The following ZBTB20 variants were observed in gnomAD, a reference collection of about 807,000 sequenced individuals.
ZBTB20 encodes zinc finger and BTB domain containing 20.
In ZBTB20, 9 loss-of-function variants were observed where a neutral mutation model predicts 56.9. The observed-to-expected ratio is 0.16, with a 90% CI of 0.10 to 0.28. The LOEUF (loss-of-function observed/expected upper bound fraction) is 0.28. ZBTB20 is among the 10% of genes least tolerant of loss of function. ZBTB20 has a pLI of 1.00. For synonymous variants in ZBTB20, 417 were observed against 420.7 expected, an observed-to-expected ratio of 0.99 and a Z score of 0.11; for missense variants, 655 against 1,003.0, an observed-to-expected ratio of 0.65 and a Z score of 4.69.
In ZBTB20 at chr3:114,404,702, T is replaced by C. The variant is rs572531952; in HGVS notation, c.-254-15597A>G. ...AGGCCCAGAGCCTGCCGAGCTAGCTTTACATAAACAAAGGAGCTACACAGA... is the reference window on the plus strand; with the variant it reads ...AGGCCCAGAGCCTGCCGAGCTAGCTCTACATAAACAAAGGAGCTACACAGA... On this transcript the variant is annotated intron_variant, in intron 7 of 11. Coordinates refer to ENST00000675478, the MANE Select transcript of ZBTB20 (RefSeq NM_001348800.3). Among the ~76,000 whole-genome samples, 12 of 152,106 alleles carry C rather than the reference T, an allele frequency of 7.9e-5. No individual in the cohort carries two copies. In the South Asian group the frequency reaches 2.5e-3, roughly 32 times the overall value.
At chr3:114,381,936 G>A (rs1267517140) in intron 8 of ZBTB20, among the ~76,000 whole-genome samples, 2 of 152,174 alleles carry the variant, frequency 1.3e-5, no homozygotes, top group East Asian at 1.9e-4. Context: ...TTTTTGAATG[G>A]TGACTATGGG....
intron 4 of ZBTB20, among the ~76,000 whole-genome samples, chr3:114,890,736 A>G (rs2076777398): frequency 6.6e-6 from 1 of 152,134 alleles, no homozygotes; most frequent in Non-Finnish European, 1.5e-5. Flanking sequence ...GTACCCTAGA[A>G]CTTAAAGTAT....
At chr3:114,723,838 T>A (rs2065081521) in intron 5 of ZBTB20, among the ~76,000 whole-genome samples, 2 of 152,114 alleles carry the variant, frequency 1.3e-5, no homozygotes, top group South Asian at 4.1e-4. Context: ...AGCCTTTGCA[T>A]AGAAAAAGAT....
chr3:114,330,973 A>G lies in ZBTB20; in HGVS notation c.*8032T>C, dbSNP rs1010012248. On this transcript the variant is annotated 3_prime_UTR_variant, in exon 12 of 12. Transcript: ENST00000675478. The stretch of plus-strand genomic sequence containing the variant: ...CCAACAGTCTATTGGTTTGCTAGAC[A>G]TGGTAAACAACCCACTCCTGGAAAG... The G allele has an allele frequency of 3.3e-5, 5 of 152,262 alleles. No individual in the cohort carries two copies. Among genetic ancestry groups the G allele is most frequent in the African/African-American group, 1.2e-4 (5 of 41,460 alleles). 9.4% of individuals were successfully genotyped at this position (152,262 alleles called of 1,614,324 possible).
intron 3 of ZBTB20, among the ~76,000 whole-genome samples, chr3:114,934,104 T>G (rs2076450082): frequency 6.6e-6 from 1 of 152,198 alleles, no homozygotes; most frequent in Non-Finnish European, 1.5e-5. Context: ...TGCCCTTTTC[T>G]GTCTCTCTTA....
At chr3:114,487,166 G>A (rs2042236031) in intron 7 of ZBTB20, among the ~76,000 whole-genome samples, 1 of 152,182 alleles carries the variant, frequency 6.6e-6, no homozygotes, top group Non-Finnish European at 1.5e-5. Flanking sequence ...ACAGAAGCAT[G>A]TGGATAATAT....
chr3:115,082,793 C>T lies in ZBTB20; in HGVS notation c.-702-11379G>A, dbSNP rs376663166. On this transcript the variant is annotated intron_variant, in intron 1 of 11. Coordinates refer to ENST00000675478, the MANE Select transcript of ZBTB20 (RefSeq NM_001348800.3). ...AAGCAGCAAACACAGGAGAAATATACAGAAATGAAAATGTCCTTCCTTACA... is the reference window on the plus strand; with the variant it reads ...AAGCAGCAAACACAGGAGAAATATATAGAAATGAAAATGTCCTTCCTTACA... Among the ~76,000 whole-genome samples, 353 of 152,066 alleles carry T rather than the reference C, an allele frequency of 2.3e-3. 2 individuals are homozygous for T. The highest frequency in any genetic ancestry group is 8.4e-3 in the African/African-American group (347 of 41,518).
chr3:114,600,591 G>A (rs2056685533), intron 6 of ZBTB20, among the ~76,000 whole-genome samples: 1 of 151,980 alleles, frequency 6.6e-6, no homozygotes, highest in Non-Finnish European at 1.5e-5. Context: ...TACTCTGGAT[G>A]TTTGGTTACA....
At chr3:114,932,609 C>T (rs1431274672) in intron 3 of ZBTB20, among the ~76,000 whole-genome samples, 2 of 152,186 alleles carry the variant, frequency 1.3e-5, no homozygotes, top group East Asian at 1.9e-4. Flanking sequence ...TTTCAGTTCA[C>T]TTCTTGGTTT....
At chr3:115,006,718 A>T (rs1443479378) in intron 2 of ZBTB20, among the ~76,000 whole-genome samples, 5 of 151,742 alleles carry the variant, frequency 3.3e-5, no homozygotes, top group African/African-American at 1.2e-4. Flanking sequence ...CTTCTACAGC[A>T]TCAAGTGGCC....
chr3:114,625,473 T>G (rs1264211190), intron 6 of ZBTB20, among the ~76,000 whole-genome samples: 1 of 152,160 alleles, frequency 6.6e-6, no homozygotes, highest in African/African-American at 2.4e-5. Flanking sequence ...GGCACTGCAG[T>G]TAAATAGCAA....
At chr3:114,461,936 A>T (rs773601032) in intron 7 of ZBTB20, among the ~76,000 whole-genome samples, 11 of 152,214 alleles carry the variant, frequency 7.2e-5, no homozygotes, top group Non-Finnish European at 1.3e-4. Context: ...ATCACCTGCT[A>T]ATCTAGGTGT....
intron 3 of ZBTB20, among the ~76,000 whole-genome samples, chr3:114,910,245 T>A (rs1252045167): frequency 6.6e-6 from 1 of 151,732 alleles, no homozygotes; most frequent in East Asian, 1.9e-4. Flanking sequence ...TCGACAATTA[T>A]AAAGATATCA....
At chr3:114,491,997 C>A in intron 7 of ZBTB20, among the ~76,000 whole-genome samples, 1 of 152,184 alleles carries the variant, frequency 6.6e-6, no homozygotes, top group East Asian at 1.9e-4. Context: ...AGTAACATGT[C>A]ACATCACTGA....
intron 5 of ZBTB20, among the ~76,000 whole-genome samples, chr3:114,716,485 AAC>A (rs1578494443): frequency 2.0e-5 from 3 of 152,144 alleles, no homozygotes; most frequent in African/African-American, 7.2e-5. Flanking sequence ...TAGTGTTAGA[AAC>A]ACAATAATTT....
intron 7 of ZBTB20, among the ~76,000 whole-genome samples, chr3:114,457,064 A>G (rs1283078575): frequency 1.3e-5 from 2 of 152,362 alleles, no homozygotes; most frequent in East Asian, 3.9e-4. Flanking sequence ...GGGGGAAGGA[A>G]TCAGTGATTT....
chr3:114,937,970 C>T (rs2076600232), intron 3 of ZBTB20, among the ~76,000 whole-genome samples: 1 of 151,310 alleles, frequency 6.6e-6, no homozygotes, highest in Admixed American at 6.6e-5. Context: ...TGGTGGTGGG[C>T]GCCTGTAGTC....
At position 114,506,230 on chromosome 3, in the gene ZBTB20, T is replaced by C. The variant is rs188275921; in HGVS notation, c.-294-5839A>G. 4.3e-3 allele frequency among the ~76,000 whole-genome samples: 651 copies of C among 152,274 alleles called. 3 individuals carry two copies. The highest frequency in any genetic ancestry group is 0.015 in the African/African-American group (604 of 41,564). Reference sequence around the variant, plus strand: ...GAGATCTTTTTTTCTTAAGATGCTATGATAACAATCCTAAAAAATGGCCTG... The same window carrying C: ...GAGATCTTTTTTTCTTAAGATGCTACGATAACAATCCTAAAAAATGGCCTG... On this transcript the variant is annotated intron_variant, in intron 6 of 11. Coordinates refer to ENST00000675478, the MANE Select transcript of ZBTB20 (RefSeq NM_001348800.3).
intron 2 of ZBTB20, among the ~76,000 whole-genome samples, chr3:114,986,233 C>T (rs1320029794): frequency 6.6e-6 from 1 of 152,032 alleles, no homozygotes; most frequent in Non-Finnish European, 1.5e-5. Context: ...CCGCCTAATC[C>T]TGCAATCCAT....
Sources: gnomAD v4.1 joint callset for allele counts (sites outside exome capture counted in the v4.1 genomes callset) on GRCh38, gnomAD v4.1.1 for gene constraint, MANE v1.5 for transcripts, NCBI Gene and HGNC (gene_info 2026-07-23, HGNC 2026-07-21) for gene names.